The following AKAP13 variants were observed in gnomAD, a reference collection of about 807,000 sequenced individuals.
The protein encoded by AKAP13 is A-kinase anchoring protein 13.
A neutral mutation model predicts 264.5 loss-of-function variants in AKAP13; 80 were observed. That is an observed-to-expected ratio of 0.30 (90% CI 0.25 to 0.36). AKAP13 has a LOEUF of 0.36. Ranked by LOEUF, AKAP13 falls within the 10% of genes least tolerant of loss-of-function variation. AKAP13 has a pLI of 1.00. For missense variants in AKAP13, 3,712 were observed against 3,435.2 expected (o/e 1.08, Z -2.01); for synonymous variants, 1,380 against 1,250.2 (o/e 1.10, Z -2.19).
At chr15:85,393,255 C>G (rs1395816400) in intron 1 of AKAP13, among the ~76,000 whole-genome samples, 1 of 152,172 alleles carries the variant, frequency 6.6e-6, no homozygotes, top group African/African-American at 2.4e-5. Flanking sequence ...CGGCTGGGCT[C>G]AGAATAGAAA....
intron 8 of AKAP13, among the ~76,000 whole-genome samples, chr15:85,601,994 C>A (rs949183948): frequency 6.6e-6 from 1 of 151,700 alleles, no homozygotes; most frequent in Non-Finnish European, 1.5e-5. Flanking sequence ...ATGCATTAAG[C>A]CTATTGCAAT....
rs182302073 is a variant in AKAP13, at chr15:85,516,400, G to T, written c.34-5028G>T. Among the ~76,000 whole-genome samples the T allele has an allele frequency of 3.1e-3, 474 of 152,328 alleles. 2 individuals are homozygous for T. Among genetic ancestry groups the T allele is most frequent in the Non-Finnish European group, 5.2e-3 (352 of 68,038 alleles). ...CTGTGATAAAGACACAGGCAGGTTG[G>T]TGTCAGAGATCATCTTCTTAATCAC... On this transcript the variant is annotated intron_variant, in intron 2 of 36. Coordinates refer to ENST00000394518, the MANE Select transcript of AKAP13 (RefSeq NM_007200.5).
chr15:85,647,034 G>T (rs1193676691), intron 10 of AKAP13, among the ~76,000 whole-genome samples: 1 of 152,324 alleles, frequency 6.6e-6, no homozygotes, highest in East Asian at 1.9e-4. Flanking sequence ...AATGAGCTCG[G>T]AGAAGTGGTG....
intron 8 of AKAP13, among the ~76,000 whole-genome samples, chr15:85,587,819 T>C (rs1005250432): frequency 3.3e-5 from 5 of 152,142 alleles, no homozygotes; most frequent in East Asian, 1.9e-4. Flanking sequence ...GCTACTTTTT[T>C]GTGTTTTTAG....
At chr15:85,729,960 AAAAAC>A (rs1475543036) in intron 29 of AKAP13, among the ~76,000 whole-genome samples, 1 of 150,966 alleles carries the variant, frequency 6.6e-6, no homozygotes. Context: ...AAACAAAAAC[AAAAAC>A]AAAAAAAAAA....
chr15:85,688,492 A>G (rs1184050962), intron 16 of AKAP13, among the ~76,000 whole-genome samples: 1 of 152,192 alleles, frequency 6.6e-6, no homozygotes, highest in African/African-American at 2.4e-5. Context: ...ACTCTTAGAG[A>G]AGTGTCTAAG....
intron 30 of AKAP13, among the ~76,000 whole-genome samples, chr15:85,733,621 C>T (rs1431364120): frequency 6.6e-6 from 1 of 152,130 alleles, no homozygotes; most frequent in Non-Finnish European, 1.5e-5. Flanking sequence ...TGTCTATCTT[C>T]AGTGTTGGTC....
At chr15:85,467,407 C>T (rs988464358) in intron 1 of AKAP13, among the ~76,000 whole-genome samples, 1 of 152,134 alleles carries the variant, frequency 6.6e-6, no homozygotes, top group African/African-American at 2.4e-5. Flanking sequence ...TCTGTTCCTA[C>T]TGGGCCACCA....
chr15:85,383,059 AATT>A (rs1386468253), intron 1 of AKAP13, among the ~76,000 whole-genome samples: 3 of 151,960 alleles, frequency 2.0e-5, no homozygotes, highest in African/African-American at 4.8e-5. Flanking sequence ...CTTTTTGTGA[AATT>A]ATTATTGTTT....
chr15:85,508,845 C>T (rs1245498063), intron 2 of AKAP13, among the ~76,000 whole-genome samples: 2 of 151,800 alleles, frequency 1.3e-5, no homozygotes, highest in African/African-American at 4.9e-5. Flanking sequence ...TTCCCTTTGC[C>T]TTGACTGCTT....
In AKAP13 at chr15:85,720,260, C is replaced by CTGTG. The variant is rs71141479; in HGVS notation, c.6252+962_6252+965dup. ...CCAGCTCAACATTTAAAAACAAACTCTGTGTGTGTGTGTGTGTGTGTGTGT... is the reference window on the plus strand; with the variant it reads ...CCAGCTCAACATTTAAAAACAAACTCTGTGTGTGTGTGTGTGTGTGTGTGTGTGT... On this transcript the variant is annotated intron_variant, in intron 23 of 36. Coordinates refer to ENST00000394518, the MANE Select transcript of AKAP13 (RefSeq NM_007200.5). Among the ~76,000 whole-genome samples the CTGTG allele has an allele frequency of 3.8e-3, 569 of 150,762 alleles. 3 individuals are homozygous for CTGTG. The highest frequency in any genetic ancestry group is 0.013 in the African/African-American group (537 of 40,960).
At chr15:85,524,418 C>T (rs2076944786) in intron 3 of AKAP13, among the ~76,000 whole-genome samples, 1 of 152,006 alleles carries the variant, frequency 6.6e-6, no homozygotes, top group South Asian at 2.1e-4. Flanking sequence ...TCGTGATCTG[C>T]CCACCTCGGC....
At position 85,617,076 on chromosome 15, in the gene AKAP13, A is replaced by G. The variant is rs556248937; in HGVS notation, c.4162-22298A>G. 7.9e-5 allele frequency among the ~76,000 whole-genome samples: 12 copies of G among 152,354 alleles called. No homozygotes were observed. The South Asian group carries it at 2.5e-3, about 32-fold the overall frequency. On this transcript the variant is annotated intron_variant, in intron 8 of 36. Coordinates refer to ENST00000394518, the MANE Select transcript of AKAP13 (RefSeq NM_007200.5). Reference sequence around the variant, plus strand: ...TTTCAGAAAATTATATTATTTTGAAACAAGTTTCTCTCTCCTAAAAACTTC... The same window carrying G: ...TTTCAGAAAATTATATTATTTTGAAGCAAGTTTCTCTCTCCTAAAAACTTC...
intron 1 of AKAP13, among the ~76,000 whole-genome samples, chr15:85,431,819 A>G (rs10153024): frequency 0.014 from 2,155 of 152,364 alleles, 23 homozygotes; most frequent in Middle Eastern, 0.044. Flanking sequence ...AATGATTACC[A>G]GATTCTTTAG....
At position 85,727,127 on chromosome 15, in the gene AKAP13, A is replaced by G; in HGVS notation, c.6884A>G (p.Glu2295Gly). The change falls in exon 28 of 37, where the codon GAG becomes GGG. Residue 2295 changes from glutamate to glycine, a missense_variant. By Grantham distance (98) the Glu-to-Gly change is moderately conservative (BLOSUM62 -2). This residue lies in a region of AKAP13 where 342 missense variants were observed against 484.3 expected (regional missense o/e 0.71). Transcript: ENST00000394518. This position sits in a 1 kb window ranked among gnomAD's most constrained non-coding sequence, Gnocchi z 5.3. ...KLIVREVAHE[E>G]KGLFLISMGM... is the part of the protein sequence containing the mutation. Reference sequence around the variant, plus strand: ...ATTGTGAGAGAAGTGGCACATGAGGAGAAAGGTTTATTCCTGATCAGCATG... The same window carrying G: ...ATTGTGAGAGAAGTGGCACATGAGGGGAAAGGTTTATTCCTGATCAGCATG... 1.9e-6 allele frequency: 3 copies of G among 1,614,216 alleles called. No homozygotes were observed. The highest frequency in any genetic ancestry group is 2.5e-6 in the Non-Finnish European group (3 of 1,180,042).
intron 8 of AKAP13, among the ~76,000 whole-genome samples, chr15:85,593,592 T>G (rs1348313885): frequency 6.6e-6 from 1 of 151,924 alleles, no homozygotes; most frequent in Admixed American, 6.6e-5. Flanking sequence ...ATCACTTTTG[T>G]CTTAAATGTT....
intron 8 of AKAP13, among the ~76,000 whole-genome samples, chr15:85,628,171 G>T (rs1165229508): frequency 6.6e-6 from 1 of 152,112 alleles, no homozygotes; most frequent in African/African-American, 2.4e-5. Context: ...CTATCATCTT[G>T]GGATGTCAAG....
At chr15:85,700,139 A>G (rs2085824534) in intron 17 of AKAP13, among the ~76,000 whole-genome samples, 1 of 152,186 alleles carries the variant, frequency 6.6e-6, no homozygotes, top group African/African-American at 2.4e-5. Context: ...AATAGTTGAA[A>G]TTTGCCCTCT....
chr15:85,503,727 T>A (rs775363939), intron 2 of AKAP13, among the ~76,000 whole-genome samples: 44 of 152,324 alleles, frequency 2.9e-4, no homozygotes, highest in Middle Eastern at 6.8e-3. Context: ...CCCAGGTTTC[T>A]ACTTAGAAAA....
Sources: allele counts gnomAD v4.1 joint callset (sites outside exome capture counted in the v4.1 genomes callset), GRCh38; gene constraint gnomAD v4.1.1; regional missense constraint gnomAD v4.1.1; non-coding constraint Gnocchi (gnomAD v3.1); transcripts MANE v1.5; gene names NCBI Gene and HGNC (gene_info 2026-07-23, HGNC 2026-07-21).